Variants in CFAP210 observed in about 807,000 individuals in gnomAD.
CFAP210 encodes the protein cilia and flagella associated protein 210.
chr2:169,658,093 G>C, the CFAP210 span: 3 of 152,078 alleles, frequency 2.0e-5, no homozygotes, highest in South Asian at 6.2e-4. Flanking sequence ...GAAAGAAAAA[G>C]ACATAAGCTT....
chr2:169,652,949 G>C, the CFAP210 span, among the ~76,000 whole-genome samples: 1 of 119,476 alleles, frequency 8.4e-6, no homozygotes, highest in African/African-American at 3.2e-5. Context: ...GCAGTAAGCC[G>C]AGATCGCGCC....
At chr2:169,654,692 C>T in the CFAP210 span, among the ~76,000 whole-genome samples, 1 of 151,880 alleles carries the variant, frequency 6.6e-6, no homozygotes, top group East Asian at 1.9e-4. Flanking sequence ...ACTTTTATAT[C>T]TTCTTAATGC....
At chr2:169,653,032 ATATATATATATATATATAT>A in the CFAP210 span, among the ~76,000 whole-genome samples, 5 of 17,506 alleles carry the variant, frequency 2.9e-4, no homozygotes, top group Non-Finnish European at 4.8e-4. Flanking sequence ...AAAAAAAAAT[ATATATATATATATATATAT>A]ATATATATAT....
the CFAP210 span, among the ~76,000 whole-genome samples, chr2:169,678,285 G>A: frequency 4.3e-5 from 6 of 140,500 alleles, no homozygotes; most frequent in Non-Finnish European, 7.6e-5. Flanking sequence ...AGGTTGCAGT[G>A]AGCCGAGACC....
chr2:169,671,280 T>C, the CFAP210 span, among the ~76,000 whole-genome samples: 1 of 152,254 alleles, frequency 6.6e-6, no homozygotes, highest in African/African-American at 2.4e-5. Context: ...TACAGCCCAC[T>C]TTTAGCATGG....
At chr2:169,674,037 T>C in the CFAP210 span, among the ~76,000 whole-genome samples, 2 of 152,216 alleles carry the variant, frequency 1.3e-5, no homozygotes, top group East Asian at 3.8e-4. Flanking sequence ...ATTATTGTTG[T>C]TGGGGTTGGC....
chr2:169,654,160 C>T, the CFAP210 span: 1 of 1,598,556 alleles, frequency 6.3e-7, no homozygotes, highest in Non-Finnish European at 8.5e-7. Flanking sequence ...TCATCTTCTT[C>T]CTCTTGCTGC....
chr2:169,664,049 T>A, the CFAP210 span, among the ~76,000 whole-genome samples: 10 of 134,076 alleles, frequency 7.5e-5, no homozygotes, highest in East Asian at 2.2e-4. Flanking sequence ...AAAAAAAAAA[T>A]TTGGCCGGAT....
At chr2:169,655,912 CAATT>C in the CFAP210 span, among the ~76,000 whole-genome samples, 1 of 152,110 alleles carries the variant, frequency 6.6e-6, no homozygotes, top group Non-Finnish European at 1.5e-5. Context: ...ACGGCAGAAA[CAATT>C]AGTTGCCTAA....
At chr2:169,649,155 T>C in the CFAP210 span, 2 of 1,551,962 alleles carry the variant, frequency 1.3e-6, no homozygotes, top group East Asian at 2.3e-5. Flanking sequence ...ATTACTAACA[T>C]AATTATAAAC....
chr2:169,650,245 TAGAG>T, the CFAP210 span: 1 of 1,326,284 alleles, frequency 7.5e-7, no homozygotes, highest in African/African-American at 1.5e-5. Context: ...AGTTTTTGGT[TAGAG>T]AGGCAGATGA....
the CFAP210 span, among the ~76,000 whole-genome samples, chr2:169,671,049 C>T: frequency 1.7e-3 from 266 of 152,298 alleles, no homozygotes; most frequent in Non-Finnish European, 2.8e-3. Flanking sequence ...AATTAAAATA[C>T]GGTCTCTGCC....
chr2:169,681,317 G>A, the CFAP210 span: 11 of 985,960 alleles, frequency 1.1e-5, no homozygotes, highest in South Asian at 1.3e-4. Context: ...ATATTGGCAT[G>A]ATAACTGGAA....
the CFAP210 span, among the ~76,000 whole-genome samples, chr2:169,678,327 G>C: frequency 9.1e-6 from 1 of 109,332 alleles, no homozygotes; most frequent in Non-Finnish European, 1.8e-5. Context: ...GGCAACAAGA[G>C]CGAAACTCTG....
the CFAP210 span, among the ~76,000 whole-genome samples, chr2:169,647,360 A>T: frequency 1.3e-5 from 2 of 152,184 alleles, no homozygotes; most frequent in East Asian, 3.8e-4. Context: ...GAATTACTAT[A>T]ATGGAACATA....
the CFAP210 span, among the ~76,000 whole-genome samples, chr2:169,678,078 C>T: frequency 1.1e-4 from 16 of 152,078 alleles, no homozygotes; most frequent in African/African-American, 2.9e-4. Flanking sequence ...CGGTGGCTCA[C>T]GCCTGTAATC....
the CFAP210 span, among the ~76,000 whole-genome samples, chr2:169,669,179 T>A: frequency 6.6e-6 from 1 of 152,016 alleles, no homozygotes. Flanking sequence ...AGATGAAGAA[T>A]GGAAGGGTAA....
chr2:169,645,811 A>T, the CFAP210 span: 2 of 1,404,770 alleles, frequency 1.4e-6, no homozygotes, highest in Non-Finnish European at 2.0e-6. Flanking sequence ...GCTACAACTT[A>T]GTCTTCTCAA....
the CFAP210 span, among the ~76,000 whole-genome samples, chr2:169,678,341 C>CAAAAAAAAAAA: frequency 2.3e-5 from 2 of 88,190 alleles, no homozygotes; most frequent in African/African-American, 8.3e-5. Flanking sequence ...AACTCTGTTG[C>CAAAAAAAAAAA]AAAAAAAAAA....
Sources: gnomAD v4.1 joint callset for allele counts (sites outside exome capture counted in the v4.1 genomes callset) on GRCh38, gnomAD v4.1.1 for gene constraint, MANE v1.5 for transcripts, NCBI Gene and HGNC (gene_info 2026-07-23, HGNC 2026-07-21) for gene names.